USP22: variants seen among roughly 807,000 people sequenced by gnomAD.
USP22 encodes the protein ubiquitin specific peptidase 22.
Under a neutral mutation model 68.1 loss-of-function variants are expected in USP22, and 22 were observed. That is an observed-to-expected ratio of 0.32 (90% CI 0.23 to 0.46). USP22 has a LOEUF of 0.46. Ranked by LOEUF, USP22 falls within the 20% of genes least tolerant of loss-of-function variation. The probability of loss-of-function intolerance (pLI) is 1.00; values close to 1 mark genes in which losing one functional copy is unlikely to be tolerated. For synonymous variants in USP22, 279 were observed against 274.2 expected (o/e 1.02, Z -0.17); for missense variants, 433 against 695.8 (o/e 0.62, Z 4.25).
At chr17:21,043,308 C>CCCGCCCCCA (rs1972475092), upstream of USP22, 6 of 75,186 alleles carry the variant, frequency 8.0e-5, 1 homozygote, top group Non-Finnish European at 1.9e-4. Flanking sequence ...CACCCCCCCC[C>CCCGCCCCCA]CCCCCCCGGC....
intron 3 of USP22, 42 bp downstream of exon 3, chr17:21,021,071 G>T (rs774833595): frequency 1.3e-6 from 2 of 1,489,834 alleles, no homozygotes; most frequent in Non-Finnish European, 1.9e-6. Flanking sequence ...TGGACATGAG[G>T]GAACTGCAGG....
intron 2 of USP22, among the ~76,000 whole-genome samples, chr17:21,028,306 G>C (rs1408315183): frequency 6.6e-6 from 1 of 152,146 alleles, no homozygotes; most frequent in Admixed American, 6.5e-5. Context: ...AAGTCAGCTG[G>C]ACATAAGACA....
At position 21,031,405 on chromosome 17, in the gene USP22, CACA is replaced by C. The variant is rs1273906706; in HGVS notation, c.172-2734_172-2732del. 2.0e-5 allele frequency among the ~76,000 whole-genome samples: 3 copies of C among 152,238 alleles called. No homozygotes were observed. In the East Asian group the frequency reaches 5.8e-4, roughly 29 times the overall value. On this transcript the variant is annotated intron_variant, in intron 1 of 12. Transcript: ENST00000261497. ...CCTAACACTGAACAAAACAACTAAA[CACA>C]ACAAGCTCCTGCTGTGCTACACACT...
rs372260527 is a variant in USP22, at chr17:21,029,130, A to G, written c.172-456T>C. Among the ~76,000 whole-genome samples the G allele has an allele frequency of 4.6e-4, 70 of 152,376 alleles. 1 individual carries two copies. The highest frequency in any genetic ancestry group is 4.0e-3 in the East Asian group (21 of 5,186). On this transcript the variant is annotated intron_variant, in intron 1 of 12. Coordinates refer to ENST00000261497, the MANE Select transcript of USP22 (RefSeq NM_015276.2). ...GGAGACATGAATCAAAGCAATGTAC[A>G]GAAGAAAGAAAAAGGAGCAGGGCAT...
At chr17:21,042,484 G>A (rs1464545667) in intron 1 of USP22, among the ~76,000 whole-genome samples, 181 bp downstream of exon 1, 2 of 146,124 alleles carry the variant, frequency 1.4e-5, no homozygotes, top group Admixed American at 1.4e-4. Context: ...AGAGAGTTGA[G>A]GGGGGAAGGA....
Position 21,030,935 on chromosome 17 carries a change from A to T in USP22, c.172-2261T>A, listed in dbSNP as rs78251439. Among the ~76,000 whole-genome samples the T allele has an allele frequency of 3.3e-3, 510 of 152,352 alleles. 2 individuals carry two copies. Among genetic ancestry groups the T allele is most frequent in the African/African-American group, 0.012 (486 of 41,576 alleles). On this transcript the variant is annotated intron_variant, in intron 1 of 12. Transcript: ENST00000261497. ...TGAGTGTGATAACTGTATTGCGCTT[A>T]TGTAGGAGACTGTCCCAGTTCTTAG...
chr17:21,026,588 T>C (rs1483666100), intron 2 of USP22, among the ~76,000 whole-genome samples: 1 of 151,720 alleles, frequency 6.6e-6, no homozygotes, highest in East Asian at 1.9e-4. Context: ...CCTCCCGAAG[T>C]GCTGGGATTA....
At position 21,042,911 on chromosome 17, in the gene USP22, G is replaced by A. The variant is rs1972460746; in HGVS notation, c.-76C>T. 1.9e-6 allele frequency: 2 copies of A among 1,035,190 alleles called. No individual in the cohort carries two copies. The highest frequency in any genetic ancestry group is 2.4e-6 in the Non-Finnish European group (2 of 816,718). 64.1% of individuals were successfully genotyped at this position (1,035,190 alleles called of 1,614,324 possible). A position where few individuals can be genotyped will look rare whatever the true frequency, so the allele number is the denominator to read the frequency against. On this transcript the variant is annotated 5_prime_UTR_variant, in exon 1 of 13. Coordinates refer to ENST00000261497, the MANE Select transcript of USP22 (RefSeq NM_015276.2). Reference sequence around the variant, plus strand: ...ACGACGCCAGCGCGGCGTGGGGGCTGCTCGGCGGCTGGCCAGGCTGGCCAA... The same window carrying A: ...ACGACGCCAGCGCGGCGTGGGGGCTACTCGGCGGCTGGCCAGGCTGGCCAA...
intron 1 of USP22, among the ~76,000 whole-genome samples, chr17:21,037,359 G>C (rs1193857040): frequency 6.6e-6 from 1 of 152,194 alleles, no homozygotes; most frequent in East Asian, 1.9e-4. Flanking sequence ...ACATAAAGGA[G>C]GGAAAGAGTC....
intron 1 of USP22, among the ~76,000 whole-genome samples, chr17:21,029,189 T>C (rs1356831055): frequency 6.6e-6 from 1 of 152,160 alleles, no homozygotes; most frequent in African/African-American, 2.4e-5. Context: ...CCTGAAATGT[T>C]AATCACGGCA....
chr17:21,011,036 G>T, intron 8 of USP22, 115 bp downstream of exon 8: 1 of 1,381,470 alleles, frequency 7.2e-7, no homozygotes, highest in Non-Finnish European at 9.6e-7. Context: ...GGCTCATGCT[G>T]CACCTTTGCC....
At chr17:21,009,090 T>TCAAAA (rs1252432318) in intron 8 of USP22, among the ~76,000 whole-genome samples, 2 of 27,782 alleles carry the variant, frequency 7.2e-5, no homozygotes, top group African/African-American at 3.2e-4. Flanking sequence ...AGACTCCATT[T>TCAAAA]CAAAAAAAAA....
chr17:21,033,484 C>A (rs1003558484), intron 1 of USP22, among the ~76,000 whole-genome samples: 5 of 152,084 alleles, frequency 3.3e-5, no homozygotes, highest in South Asian at 2.1e-4. Flanking sequence ...AAGAAGGATG[C>A]GGAGGAGCAA....
intron 1 of USP22, among the ~76,000 whole-genome samples, chr17:21,042,016 G>C (rs1972439803): frequency 1.3e-5 from 2 of 152,102 alleles, no homozygotes; most frequent in South Asian, 4.1e-4. Flanking sequence ...CGAGGCAGCC[G>C]CGAAGCTCCG....
intron 2 of USP22, among the ~76,000 whole-genome samples, chr17:21,028,309 A>G (rs185706101): frequency 4.3e-4 from 66 of 152,332 alleles, no homozygotes; most frequent in Non-Finnish European, 5.6e-4. Flanking sequence ...TCAGCTGGAC[A>G]TAAGACAGCA....
intron 8 of USP22, among the ~76,000 whole-genome samples, chr17:21,010,627 G>A (rs904271187): frequency 2.0e-5 from 3 of 147,660 alleles, no homozygotes; most frequent in African/African-American, 2.5e-5. Flanking sequence ...TCGCACCACT[G>A]CATTCCAGCC....
chr17:21,038,290 T>C (rs968731308), intron 1 of USP22, among the ~76,000 whole-genome samples: 2 of 151,346 alleles, frequency 1.3e-5, no homozygotes, highest in African/African-American at 2.4e-5. Context: ...AGCTAGACTA[T>C]GAAAATAAAA....
intron 1 of USP22, among the ~76,000 whole-genome samples, chr17:21,030,384 G>GTA (rs1555530600): frequency 0.016 from 911 of 57,728 alleles, 10 homozygotes; most frequent in African/African-American, 0.047. Flanking sequence ...GTGTGTGTGT[G>GTA]TGTATGTATG....
At chr17:21,018,415 G>T in intron 4 of USP22, 1 of 201,442 alleles carries the variant, frequency 5.0e-6, no homozygotes, top group Non-Finnish European at 9.4e-6. Context: ...AAACAAAACA[G>T]GTTTTTAAAA....
Sources: allele counts gnomAD v4.1 joint callset (sites outside exome capture counted in the v4.1 genomes callset), GRCh38; gene constraint gnomAD v4.1.1; transcripts MANE v1.5; gene names NCBI Gene and HGNC (gene_info 2026-07-23, HGNC 2026-07-21).